The following SNX29 variants were observed in gnomAD, a reference collection of about 807,000 sequenced individuals.
SNX29 encodes sorting nexin 29.
A neutral mutation model predicts 102.1 loss-of-function variants in SNX29; 78 were observed. The ratio of observed to expected loss-of-function variants is 0.76; its 90% CI spans 0.64 to 0.92. The LOEUF is 0.92. Among genes scored for constraint, SNX29 ranks in the 40% least tolerant of loss-of-function variants. The pLI is 0.00. For missense variants in SNX29, 1,280 were observed against 1,061.7 expected (o/e 1.21, Z -2.86); for synonymous variants, 580 against 414.5 (o/e 1.40, Z -4.85).
At chr16:12,435,625 T>G (rs1287665241) in intron 18 of SNX29, among the ~76,000 whole-genome samples, 1 of 152,220 alleles carries the variant, frequency 6.6e-6, no homozygotes. Context: ...AGTTTAGATA[T>G]GTATTTCCTC....
intron 14 of SNX29, among the ~76,000 whole-genome samples, chr16:12,247,709 A>T (rs1043852047): frequency 6.6e-6 from 1 of 152,088 alleles, no homozygotes; most frequent in Admixed American, 6.5e-5. Context: ...AAAAAGTCCC[A>T]CTTCCCAGCG....
intron 20 of SNX29, among the ~76,000 whole-genome samples, chr16:12,548,184 C>T (rs945752822): frequency 1.3e-4 from 20 of 152,356 alleles, no homozygotes; most frequent in Non-Finnish European, 2.5e-4. Context: ...CTCTCTTGCT[C>T]ATCCCACAGC....
At chr16:12,510,737 C>G (rs373501451) in intron 19 of SNX29, among the ~76,000 whole-genome samples, 2 of 152,190 alleles carry the variant, frequency 1.3e-5, no homozygotes, top group Non-Finnish European at 1.5e-5. Flanking sequence ...TCCCCCACCC[C>G]CCAGCTGTCC....
chr16:12,271,005 T>C lies in SNX29; in HGVS notation c.1679-6928T>C, dbSNP rs1474727866. Among the ~76,000 whole-genome samples the C allele has an allele frequency of 5.3e-5, 8 of 152,306 alleles. No individual in the cohort carries two copies. In the East Asian group the frequency reaches 1.5e-3, roughly 29 times the overall value. On this transcript the variant is annotated intron_variant, in intron 14 of 20. Transcript: ENST00000566228. ...TTGCAGTGAGTCAAGATCGCGCCACTGCACTCCAGCCTGGGTAACAGAACG... is the reference window on the plus strand; with the variant it reads ...TTGCAGTGAGTCAAGATCGCGCCACCGCACTCCAGCCTGGGTAACAGAACG...
chr16:12,074,465 A>T (rs1206700443), intron 10 of SNX29, among the ~76,000 whole-genome samples: 3 of 151,752 alleles, frequency 2.0e-5, no homozygotes, highest in Non-Finnish European at 4.4e-5. Flanking sequence ...CTGGGTTGAA[A>T]ATTCTTTAAG....
At chr16:12,013,386 G>C (rs559188437) in intron 3 of SNX29, among the ~76,000 whole-genome samples, 1 of 148,134 alleles carries the variant, frequency 6.8e-6, no homozygotes, top group African/African-American at 2.5e-5. Context: ...GTTCACGCCT[G>C]TAATCCCAGC....
At chr16:12,447,770 C>T (rs747820575) in intron 18 of SNX29, among the ~76,000 whole-genome samples, 12 of 152,164 alleles carry the variant, frequency 7.9e-5, no homozygotes, top group Non-Finnish European at 1.2e-4. Context: ...TGTCACTTGG[C>T]GAGAGTGCTT....
intron 13 of SNX29, among the ~76,000 whole-genome samples, chr16:12,195,405 G>A (rs1227075259): frequency 6.6e-6 from 1 of 152,184 alleles, no homozygotes; most frequent in African/African-American, 2.4e-5. Flanking sequence ...TAGACTTGCT[G>A]GGTCAGAAGG....
At chr16:12,059,880 C>G (rs2050697557) in intron 8 of SNX29, among the ~76,000 whole-genome samples, 1 of 152,200 alleles carries the variant, frequency 6.6e-6, no homozygotes, top group South Asian at 2.1e-4. Flanking sequence ...GGGCTCCAGT[C>G]CCACAGCCTT....
At chr16:12,061,695 G>C in intron 9 of SNX29, 49 bp downstream of exon 9, 1 of 1,507,240 alleles carries the variant, frequency 6.6e-7, no homozygotes, top group Non-Finnish European at 9.1e-7. Flanking sequence ...CTTTGGCTTC[G>C]AGAACCAGCA....
chr16:12,450,561 A>G (rs566620228), intron 18 of SNX29, among the ~76,000 whole-genome samples: 28 of 152,302 alleles, frequency 1.8e-4, no homozygotes, highest in Admixed American at 1.5e-3. Flanking sequence ...TGAGGCCCGA[A>G]TCATAGGCTC....
rs533720110 is a variant in SNX29, at chr16:11,987,490, G to C, written c.7+10677G>C. Among the ~76,000 whole-genome samples the C allele has an allele frequency of 3.3e-5, 5 of 151,516 alleles. No individual in the cohort carries two copies. In the South Asian group the frequency reaches 1.0e-3, roughly 32 times the overall value. On this transcript the variant is annotated intron_variant, in intron 1 of 20. Transcript: ENST00000566228. ...GTGATCACTGCAACCTCCACCTCCT[G>C]GGTTCGAGTAATTCTCCTGCCTTAG...
chr16:12,554,282 G>C (rs1486871419), intron 20 of SNX29, among the ~76,000 whole-genome samples: 1 of 152,150 alleles, frequency 6.6e-6, no homozygotes, highest in Non-Finnish European at 1.5e-5. Context: ...TGTATACATG[G>C]GTGCTTGCTT....
At chr16:12,532,744 G>A (rs531482480) in intron 20 of SNX29, among the ~76,000 whole-genome samples, 1 of 152,300 alleles carries the variant, frequency 6.6e-6, no homozygotes, top group African/African-American at 2.4e-5. Flanking sequence ...GCCTTGGATG[G>A]AAGCTGGGGA....
intron 18 of SNX29, among the ~76,000 whole-genome samples, chr16:12,440,682 A>G (rs1314013151): frequency 1.3e-5 from 1 of 77,258 alleles, no homozygotes; most frequent in Admixed American, 1.3e-4. Flanking sequence ...CTAAGTGAGA[A>G]CATGCAATAC....
At chr16:12,280,420 C>G (rs552461204) in intron 15 of SNX29, among the ~76,000 whole-genome samples, 8 of 152,206 alleles carry the variant, frequency 5.3e-5, no homozygotes, top group Non-Finnish European at 8.8e-5. Flanking sequence ...CCTGGCCGTT[C>G]TGGCCAGCTG....
chr16:12,012,518 C>T (rs1001640537), intron 3 of SNX29, among the ~76,000 whole-genome samples: 2 of 152,104 alleles, frequency 1.3e-5, no homozygotes, highest in African/African-American at 2.4e-5. Flanking sequence ...AAGTGATTCT[C>T]CTGCCTCAGC....
chr16:12,303,825 G>C (rs1280322545), intron 15 of SNX29, among the ~76,000 whole-genome samples: 1 of 152,200 alleles, frequency 6.6e-6, no homozygotes, highest in African/African-American at 2.4e-5. Flanking sequence ...CATAGCAGCG[G>C]TTCACTGGGC....
At chr16:12,034,363 G>T (rs2057417898) in intron 4 of SNX29, among the ~76,000 whole-genome samples, 1 of 152,190 alleles carries the variant, frequency 6.6e-6, no homozygotes, top group Admixed American at 6.5e-5. Context: ...GTGCCAATCA[G>T]CTGCTTTTGG....
Sources: allele counts gnomAD v4.1 joint callset (sites outside exome capture counted in the v4.1 genomes callset), GRCh38; gene constraint gnomAD v4.1.1; transcripts MANE v1.5; gene names NCBI Gene and HGNC (gene_info 2026-07-23, HGNC 2026-07-21).